RHOT1: variants seen among roughly 807,000 people sequenced by gnomAD.
RHOT1 encodes ras homolog family member T1.
A neutral mutation model predicts 95.3 loss-of-function variants in RHOT1; 27 were observed. The observed-to-expected ratio is 0.28, with a 90% confidence interval of 0.21 to 0.39. The LOEUF (loss-of-function observed/expected upper bound fraction) is 0.39. RHOT1 is among the 10% of genes least tolerant of loss of function. The pLI is 1.00. For synonymous variants in RHOT1, 227 were observed against 263.5 expected, an observed-to-expected ratio of 0.86 and a Z score of 1.34; for missense variants, 578 against 786.7, an observed-to-expected ratio of 0.73 and a Z score of 3.17.
chr17:32,164,206 G>A (rs914542282), intron 1 of RHOT1, among the ~76,000 whole-genome samples: 2 of 152,092 alleles, frequency 1.3e-5, no homozygotes, highest in South Asian at 2.1e-4. Context: ...TCAACTTTTG[G>A]GTAAATTTTA....
At chr17:32,176,547 TTTATTTATTTA>T (rs1567679555) in intron 6 of RHOT1, among the ~76,000 whole-genome samples, 5 of 101,812 alleles carry the variant, frequency 4.9e-5, no homozygotes, top group Admixed American at 3.8e-4. Flanking sequence ...CTCAGTTTTA[TTTATTTATTTA>T]TTTATTTATT....
Position 32,199,041 on chromosome 17 carries a change from T to G in RHOT1, c.954+10T>G. On this transcript the variant is annotated intron_variant, in intron 12 of 19. Transcript: ENST00000545287. ...TGACAAGCATGATTTGGTAAGCCTT[T>G]AGCTGTAATTTTCCATTATATATAG... The G allele has an allele frequency of 6.4e-7, 1 of 1,570,414 alleles. No individual in the cohort carries two copies. Among genetic ancestry groups the G allele is most frequent in the Non-Finnish European group, 8.8e-7 (1 of 1,141,798 alleles).
At chr17:32,161,864 C>T (rs966895736) in intron 1 of RHOT1, among the ~76,000 whole-genome samples, 1 of 152,110 alleles carries the variant, frequency 6.6e-6, no homozygotes, top group Non-Finnish European at 1.5e-5. Flanking sequence ...TCACAAAACT[C>T]GGGAAAGTGC....
intron 1 of RHOT1, among the ~76,000 whole-genome samples, chr17:32,161,907 T>C (rs2033596571): frequency 6.6e-6 from 1 of 152,138 alleles, no homozygotes; most frequent in Non-Finnish European, 1.5e-5. Context: ...AACAACCAGA[T>C]TGAAGAGGTA....
At chr17:32,200,244 G>A (rs550175490) in intron 13 of RHOT1, among the ~76,000 whole-genome samples, 1 of 151,680 alleles carries the variant, frequency 6.6e-6, no homozygotes, top group African/African-American at 2.4e-5. Context: ...ATTCTGGTGA[G>A]GTCTGTTGTA....
rs776097158 is a variant in RHOT1 at position 32,142,738 on chromosome 17, G to A, written c.37+9G>A. On this transcript the variant is annotated intron_variant, in intron 1 of 19. Transcript: ENST00000545287. Reference sequence around the variant, plus strand: ...CCTGCTGGTGGGAGAACGTGAGTCCGCACCCTCTGGCCGGCCCCTGAGTCC... The same window carrying A: ...CCTGCTGGTGGGAGAACGTGAGTCCACACCCTCTGGCCGGCCCCTGAGTCC... The A allele has an allele frequency of 1.5e-5, 23 of 1,505,924 alleles. No individual in the cohort carries two copies. The highest frequency in any genetic ancestry group is 6.8e-5 in the Admixed American group (3 of 44,124). 93.3% of individuals were successfully genotyped at this position (1,505,924 alleles called of 1,614,324 possible). A position where few individuals can be genotyped will look rare whatever the true frequency, so the allele number is the denominator to read the frequency against.
At chr17:32,166,130 G>A (rs1411720672) in intron 1 of RHOT1, among the ~76,000 whole-genome samples, 1 of 150,814 alleles carries the variant, frequency 6.6e-6, no homozygotes, top group African/African-American at 2.4e-5. Context: ...AGAGGTTGCA[G>A]TGAGCCAAGA....
chr17:32,202,997 T>C, intron 15 of RHOT1, 97 bp downstream of exon 15: 1 of 1,238,244 alleles, frequency 8.1e-7, no homozygotes, highest in Non-Finnish European at 1.2e-6. Flanking sequence ...TAGATAATTA[T>C]TAGAACTCAA....
intron 19 of RHOT1, among the ~76,000 whole-genome samples, chr17:32,223,973 G>A (rs956823730): frequency 3.3e-5 from 5 of 152,096 alleles, no homozygotes; most frequent in Non-Finnish European, 7.4e-5. Flanking sequence ...CGTTATGTCT[G>A]TTAGTTGGTA....
At position 32,176,871 on chromosome 17, in the gene RHOT1, T is replaced by C. The variant is rs150147607; in HGVS notation, c.329+658T>C. 2.7e-3 allele frequency among the ~76,000 whole-genome samples: 417 copies of C among 152,296 alleles called. 1 individual carries two copies. Among genetic ancestry groups the C allele is most frequent in the African/African-American group, 9.4e-3 (390 of 41,560 alleles). ...CAGGCAAGAGCTACTGTGCCTGGCCTGAATCTTTTTAAATAGGAAAATCAG... is the reference window on the plus strand; with the variant it reads ...CAGGCAAGAGCTACTGTGCCTGGCCCGAATCTTTTTAAATAGGAAAATCAG... On this transcript the variant is annotated intron_variant, in intron 6 of 19. Coordinates refer to ENST00000545287, the MANE Select transcript of RHOT1 (RefSeq NM_001033566.3).
intron 19 of RHOT1, among the ~76,000 whole-genome samples, chr17:32,218,638 AC>A (rs1448093386): frequency 6.6e-6 from 1 of 151,374 alleles, no homozygotes; most frequent in African/African-American, 2.4e-5. Flanking sequence ...TTGTATTAAG[AC>A]CCCCATCTCT....
chr17:32,194,573 C>T (rs1329474325), intron 11 of RHOT1, among the ~76,000 whole-genome samples: 1 of 152,142 alleles, frequency 6.6e-6, no homozygotes, highest in Non-Finnish European at 1.5e-5. Flanking sequence ...AGTTGAGAAC[C>T]ACTGATTCCC....
intron 19 of RHOT1, among the ~76,000 whole-genome samples, chr17:32,218,735 G>A (rs2038645282): frequency 6.6e-6 from 1 of 152,048 alleles, no homozygotes; most frequent in South Asian, 2.1e-4. Context: ...GATCACCTGA[G>A]CCCAGGAGGT....
chr17:32,218,159 G>A (rs1027329322), intron 19 of RHOT1, among the ~76,000 whole-genome samples: 4 of 151,476 alleles, frequency 2.6e-5, no homozygotes, highest in South Asian at 2.1e-4. Flanking sequence ...CACCATGCCC[G>A]TCCTCAGAAG....
intron 3 of RHOT1, 127 bp downstream of exon 3, chr17:32,174,039 C>T (rs1307226469): frequency 2.9e-6 from 2 of 688,534 alleles, no homozygotes; most frequent in Admixed American, 2.7e-5. Flanking sequence ...TGATCCTTTA[C>T]GATTCTTATC....
chr17:32,150,374 T>G, intron 1 of RHOT1: 1 of 396,004 alleles, frequency 2.5e-6, no homozygotes, highest in Non-Finnish European at 4.5e-6. Flanking sequence ...TTTTTTCATG[T>G]GTAAGATGCA....
intron 1 of RHOT1, chr17:32,150,915 A>G (rs1190098184): frequency 1.4e-5 from 21 of 1,546,426 alleles, no homozygotes; most frequent in Non-Finnish European, 1.5e-5. Context: ...AGGTGGGCAC[A>G]TTCTTCTTGG....
chr17:32,214,920 TTTTTG>T (rs2038369344), intron 19 of RHOT1, among the ~76,000 whole-genome samples: 3 of 131,388 alleles, frequency 2.3e-5, no homozygotes, highest in Admixed American at 1.5e-4. Context: ...TTTTTTTTTT[TTTTTG>T]AGATGGAGTC....
chr17:32,149,752 C>T (rs1003280375), intron 1 of RHOT1, among the ~76,000 whole-genome samples: 15 of 143,178 alleles, frequency 1.0e-4, no homozygotes, highest in Middle Eastern at 6.9e-3. Flanking sequence ...CACACACACA[C>T]ATATATATAT....
Sources: allele counts gnomAD v4.1 joint callset (sites outside exome capture counted in the v4.1 genomes callset), GRCh38; gene constraint gnomAD v4.1.1; transcripts MANE v1.5; gene names NCBI Gene and HGNC (gene_info 2026-07-23, HGNC 2026-07-21).